SHISA9: variants seen among roughly 807,000 people sequenced by gnomAD.
SHISA9 encodes the protein shisa family member 9.
A neutral mutation model predicts 38.0 loss-of-function variants in SHISA9; 13 were observed. The ratio of observed to expected loss-of-function variants is 0.34; its 90% CI spans 0.22 to 0.54. The LOEUF is 0.54. SHISA9 is among the 20% of genes least tolerant of loss of function. The pLI is 0.91. For missense variants in SHISA9, 538 were observed against 575.8 expected, an observed-to-expected ratio of 0.93 and a Z score of 0.67; for synonymous variants, 275 against 242.0, an observed-to-expected ratio of 1.14 and a Z score of -1.27.
At chr16:13,242,385 A>G (rs907396460), downstream of SHISA9, among the ~76,000 whole-genome samples, 9 of 152,200 alleles carry the variant, frequency 5.9e-5, no homozygotes, top group East Asian at 1.7e-3. Context: ...CTGTCATTGC[A>G]CTAGAGTGGC....
intron 2 of SHISA9, among the ~76,000 whole-genome samples, chr16:13,007,759 A>G (rs558561828): frequency 6.6e-5 from 10 of 152,290 alleles, no homozygotes; most frequent in East Asian, 3.9e-4. Flanking sequence ...TCTTTCTTCT[A>G]CGCAGCTGTT....
chr16:12,904,689 G>A (rs535879323), intron 1 of SHISA9, among the ~76,000 whole-genome samples: 1 of 152,288 alleles, frequency 6.6e-6, no homozygotes, highest in Admixed American at 6.5e-5. Context: ...GAATGGAGTG[G>A]AAGTGCATAC....
At chr16:13,353,013 G>C in the SHISA9 span, among the ~76,000 whole-genome samples, 20 of 152,304 alleles carry the variant, frequency 1.3e-4, no homozygotes, top group African/African-American at 4.8e-4. Flanking sequence ...TCAGAGGCCT[G>C]ACATTCCTGC....
rs186984717 is a variant in SHISA9, at chr16:12,980,115, C to A, written c.691+63300C>A. On this transcript the variant is annotated intron_variant, in intron 2 of 4. Transcript: ENST00000558583. The stretch of plus-strand genomic sequence containing the variant: ...TCCTGTGCTTTTATAGATATAATTT[C>A]CCTTTTTATGATCTTTTAAAAATTT... Among the ~76,000 whole-genome samples, 435 of 152,226 alleles carry A rather than the reference C, an allele frequency of 2.9e-3. 11 individuals are homozygous for A. Among genetic ancestry groups the A allele is most frequent in the Admixed American group, 0.021 (324 of 15,270 alleles).
chr16:13,179,314 TAAAAC>T (rs969270977), intron 2 of SHISA9, among the ~76,000 whole-genome samples: 2 of 151,012 alleles, frequency 1.3e-5, no homozygotes, highest in African/African-American at 2.4e-5. Flanking sequence ...TCTGTCTCAA[TAAAAC>T]AAAAACAAAA....
chr16:13,032,110 A>T (rs1211215886), intron 2 of SHISA9, among the ~76,000 whole-genome samples: 4 of 151,906 alleles, frequency 2.6e-5, no homozygotes, highest in Admixed American at 2.0e-4. Context: ...GTACCTATCA[A>T]CCTGTCATTT....
At chr16:13,323,659 G>A in the SHISA9 span, among the ~76,000 whole-genome samples, 1 of 152,166 alleles carries the variant, frequency 6.6e-6, no homozygotes, top group Admixed American at 6.5e-5. Flanking sequence ...CATGGTGGAA[G>A]GCAAAAGGGA....
At chr16:13,370,029 G>A in the SHISA9 span, among the ~76,000 whole-genome samples, 1 of 151,944 alleles carries the variant, frequency 6.6e-6, no homozygotes, top group Admixed American at 6.6e-5. Flanking sequence ...ATTCATACAT[G>A]CAACCAAAAA....
chr16:13,147,568 T>A lies in SHISA9; in HGVS notation c.692-55826T>A, dbSNP rs375023089. 3.6e-4 allele frequency among the ~76,000 whole-genome samples: 53 copies of A among 147,394 alleles called. 2 individuals carry two copies. The Middle Eastern group carries it at 0.01, about 29-fold the overall frequency. ...AACCTCCGCCTGCAGGCTCAAACAA[T>A]TCTCCTGCCTCAGCCTCCCGAGTAG... On this transcript the variant is annotated intron_variant, in intron 2 of 4. Coordinates refer to ENST00000558583, the MANE Select transcript of SHISA9 (RefSeq NM_001145204.3).
chr16:13,055,260 G>A (rs1035554519), intron 2 of SHISA9, among the ~76,000 whole-genome samples: 3 of 152,190 alleles, frequency 2.0e-5, no homozygotes, highest in African/African-American at 4.8e-5. Context: ...CCAAGACCAT[G>A]CTTCAGGTAA....
intron 3 of SHISA9, among the ~76,000 whole-genome samples, chr16:13,207,840 A>C (rs1480811792): frequency 6.6e-6 from 1 of 152,226 alleles, no homozygotes; most frequent in Non-Finnish European, 1.5e-5. Flanking sequence ...TATTAATGAA[A>C]TTATTACCAG....
intron 2 of SHISA9, among the ~76,000 whole-genome samples, chr16:13,022,860 C>T (rs2072874761): frequency 6.6e-6 from 1 of 152,114 alleles, no homozygotes. Flanking sequence ...CCTCTGCCTC[C>T]CAAAGTGCTG....
chr16:13,054,547 C>T (rs1403956364), intron 2 of SHISA9, among the ~76,000 whole-genome samples: 3 of 152,138 alleles, frequency 2.0e-5, no homozygotes, highest in Non-Finnish European at 4.4e-5. Context: ...CTTTAACTTT[C>T]TATTATAATC....
chr16:13,025,081 A>G (rs185467863), intron 2 of SHISA9, among the ~76,000 whole-genome samples: 1 of 152,034 alleles, frequency 6.6e-6, no homozygotes, highest in Non-Finnish European at 1.5e-5. Context: ...TTTTTTCTGA[A>G]TCTCTAGGTA....
chr16:13,328,635 C>CACAT, the SHISA9 span, among the ~76,000 whole-genome samples: 18 of 92,886 alleles, frequency 1.9e-4, no homozygotes, highest in Admixed American at 1.7e-3. Flanking sequence ...CACACACACA[C>CACAT]ATATATATTG....
At chr16:13,493,870 C>T in the SHISA9 span, among the ~76,000 whole-genome samples, 3 of 152,168 alleles carry the variant, frequency 2.0e-5, no homozygotes, top group Admixed American at 2.0e-4. Context: ...ATACATTACA[C>T]CAGGAATATA....
chr16:13,168,440 T>A (rs2142018702), intron 2 of SHISA9, among the ~76,000 whole-genome samples: 1 of 152,336 alleles, frequency 6.6e-6, no homozygotes, highest in Admixed American at 6.5e-5. Context: ...GCGGCTTACA[T>A]CATTTCTACC....
the SHISA9 span, among the ~76,000 whole-genome samples, chr16:13,508,320 A>G: frequency 6.6e-6 from 1 of 152,224 alleles, no homozygotes; most frequent in Non-Finnish European, 1.5e-5. Context: ...CCATCATTTA[A>G]TGAACCATAA....
At chr16:12,920,724 A>G (rs1427151517) in intron 2 of SHISA9, among the ~76,000 whole-genome samples, 1 of 152,236 alleles carries the variant, frequency 6.6e-6, no homozygotes, top group Non-Finnish European at 1.5e-5. Context: ...TCAACATTTG[A>G]CATCACCAAG....
Sources: gnomAD v4.1 joint callset for allele counts (sites outside exome capture counted in the v4.1 genomes callset) on GRCh38, gnomAD v4.1.1 for gene constraint, MANE v1.5 for transcripts, NCBI Gene and HGNC (gene_info 2026-07-23, HGNC 2026-07-21) for gene names.